CDH12: variants seen among roughly 807,000 people sequenced by gnomAD.
CDH12 encodes cadherin-12.
A neutral mutation model predicts 74.1 loss-of-function variants in CDH12; 41 were observed. The ratio of observed to expected loss-of-function variants is 0.55; its 90% CI spans 0.43 to 0.72. The LOEUF (loss-of-function observed/expected upper bound fraction) is 0.72. Ranked by LOEUF, CDH12 falls within the 30% of genes least tolerant of loss-of-function variation. The pLI is 0.00. For missense variants in CDH12, 945 were observed against 977.2 expected (o/e 0.97, Z 0.44); for synonymous variants, 399 against 355.0 (o/e 1.12, Z -1.39).
At chr5:21,911,680 G>A (rs1026430425) in intron 6 of CDH12, among the ~76,000 whole-genome samples, 12 of 152,018 alleles carry the variant, frequency 7.9e-5, no homozygotes, top group African/African-American at 2.7e-4. Flanking sequence ...TAAACATGCA[G>A]TTATAATTGT....
At chr5:21,759,568 T>C (rs1744598257) in intron 13 of CDH12, among the ~76,000 whole-genome samples, 1 of 152,154 alleles carries the variant, frequency 6.6e-6, no homozygotes, top group South Asian at 2.1e-4. Context: ...TGACTTGATT[T>C]AGTAAAATTG....
At chr5:22,460,349 T>C (rs1460893299) in intron 2 of CDH12, among the ~76,000 whole-genome samples, 4 of 152,220 alleles carry the variant, frequency 2.6e-5, no homozygotes, top group Non-Finnish European at 5.9e-5. Flanking sequence ...TTCCCACATC[T>C]TTCATGCCTT....
intron 5 of CDH12, among the ~76,000 whole-genome samples, chr5:22,031,849 C>G (rs1738844324): frequency 6.6e-6 from 1 of 152,134 alleles, no homozygotes; most frequent in East Asian, 1.9e-4. Context: ...CAAAGATCAC[C>G]AATCACAGAT....
chr5:21,772,656 C>G (rs777516710), intron 11 of CDH12, among the ~76,000 whole-genome samples: 1 of 152,042 alleles, frequency 6.6e-6, no homozygotes, highest in Non-Finnish European at 1.5e-5. Context: ...CATATTGAAT[C>G]TATTCCTATA....
At chr5:22,291,330 A>G (rs2150413325) in intron 3 of CDH12, among the ~76,000 whole-genome samples, 1 of 152,280 alleles carries the variant, frequency 6.6e-6, no homozygotes, top group Admixed American at 6.5e-5. Flanking sequence ...TGCCATTTCT[A>G]TTCATTATAG....
intron 10 of CDH12, among the ~76,000 whole-genome samples, chr5:21,793,565 A>G (rs1460639178): frequency 1.3e-5 from 2 of 151,724 alleles, no homozygotes; most frequent in Non-Finnish European, 3.0e-5. Context: ...TGTTATTCCA[A>G]GTCACCACTG....
Position 22,590,942 on chromosome 5 carries a change from ATCTG to A in CDH12, c.-522-85582_-522-85579del, listed in dbSNP as rs896153583. 3.9e-3 allele frequency among the ~76,000 whole-genome samples: 592 copies of A among 152,214 alleles called. 3 individuals carry two copies. The highest frequency in any genetic ancestry group is 0.014 in the African/African-American group (562 of 41,522). The stretch of plus-strand genomic sequence containing the variant: ...GGCTTGTCCTGAAGATAGTTGTAAA[ATCTG>A]TCTTTTTCCAATTATGAGAGGTGTT... On this transcript the variant is annotated intron_variant, in intron 1 of 14. Coordinates refer to ENST00000382254, the MANE Select transcript of CDH12 (RefSeq NM_004061.5).
At chr5:22,773,423 A>G (rs1427817963) in intron 1 of CDH12, among the ~76,000 whole-genome samples, 1 of 152,146 alleles carries the variant, frequency 6.6e-6, no homozygotes, top group Non-Finnish European at 1.5e-5. Context: ...TATTCAATAG[A>G]TGGTGCTGGG....
At chr5:21,785,893 AAC>A (rs1746171361) in intron 10 of CDH12, among the ~76,000 whole-genome samples, 2 of 152,212 alleles carry the variant, frequency 1.3e-5, no homozygotes, top group South Asian at 4.1e-4. Context: ...ATGTATACAG[AAC>A]AGCCTTCTAT....
At chr5:22,301,431 A>G (rs1737874798) in intron 3 of CDH12, among the ~76,000 whole-genome samples, 1 of 152,194 alleles carries the variant, frequency 6.6e-6, no homozygotes, top group South Asian at 2.1e-4. Flanking sequence ...AAGAAAAATG[A>G]CTAAAGCACC....
At chr5:21,836,437 A>C (rs894339053) in intron 8 of CDH12, among the ~76,000 whole-genome samples, 1 of 149,122 alleles carries the variant, frequency 6.7e-6, no homozygotes, top group Non-Finnish European at 1.5e-5. Context: ...TATCTTATCT[A>C]TTATTATATT....
chr5:22,087,216 G>A (rs553695331), intron 4 of CDH12, among the ~76,000 whole-genome samples: 27 of 152,298 alleles, frequency 1.8e-4, no homozygotes, highest in Admixed American at 1.2e-3. Flanking sequence ...TTATTCACCT[G>A]TAAGAAGTAT....
At chr5:21,868,685 T>A (rs577884421) in intron 6 of CDH12, among the ~76,000 whole-genome samples, 2 of 152,198 alleles carry the variant, frequency 1.3e-5, no homozygotes, top group African/African-American at 4.8e-5. Context: ...TGTCCCACCA[T>A]TGTATTTTGG....
intron 1 of CDH12, among the ~76,000 whole-genome samples, chr5:22,698,318 A>C (rs1245042804): frequency 6.6e-6 from 1 of 151,180 alleles, no homozygotes; most frequent in Non-Finnish European, 1.5e-5. Flanking sequence ...GATGGGGTTC[A>C]CCATGTTGGT....
At chr5:22,260,829 T>C (rs1753479323) in intron 3 of CDH12, among the ~76,000 whole-genome samples, 1 of 151,980 alleles carries the variant, frequency 6.6e-6, no homozygotes, top group Non-Finnish European at 1.5e-5. Context: ...AATCAAATTG[T>C]CTTTTTATAA....
intron 6 of CDH12, among the ~76,000 whole-genome samples, chr5:21,966,552 C>A (rs1329179967): frequency 6.6e-6 from 1 of 152,100 alleles, no homozygotes; most frequent in Non-Finnish European, 1.5e-5. Context: ...GTTCTAGCTC[C>A]AGTACCTAAA....
chr5:22,737,264 A>G (rs1744777540), intron 1 of CDH12, among the ~76,000 whole-genome samples: 1 of 151,906 alleles, frequency 6.6e-6, no homozygotes, highest in African/African-American at 2.4e-5. Context: ...TTTCACTTCA[A>G]GATACATCAT....
intron 3 of CDH12, among the ~76,000 whole-genome samples, chr5:22,279,108 T>C (rs1194628883): frequency 1.3e-5 from 2 of 152,322 alleles, no homozygotes; most frequent in Admixed American, 1.3e-4. Flanking sequence ...TCATTATTTT[T>C]CTATACTGAA....
chr5:21,821,455 A>T (rs1748367049), intron 8 of CDH12, among the ~76,000 whole-genome samples: 1 of 151,948 alleles, frequency 6.6e-6, no homozygotes. Flanking sequence ...TAAAAAGAAG[A>T]TAAAATAATC....
Sources: gnomAD v4.1 joint callset for allele counts (sites outside exome capture counted in the v4.1 genomes callset) on GRCh38, gnomAD v4.1.1 for gene constraint, MANE v1.5 for transcripts, NCBI Gene and HGNC (gene_info 2026-07-23, HGNC 2026-07-21) for gene names.